The following SSBP2 variants were observed in gnomAD, a reference collection of about 807,000 sequenced individuals.
SSBP2 encodes the protein single-stranded DNA-binding protein 2.
A neutral mutation model predicts 61.8 loss-of-function variants in SSBP2; 17 were observed. The ratio of observed to expected loss-of-function variants is 0.28; its 90% confidence interval spans 0.19 to 0.41. The LOEUF is 0.41. Among genes scored for constraint, SSBP2 ranks in the 10% least tolerant of loss-of-function variants. SSBP2 has a pLI of 1.00. For missense variants in SSBP2, 310 were observed against 458.7 expected, an observed-to-expected ratio of 0.68 and a Z score of 2.96; for synonymous variants, 139 against 141.3, an observed-to-expected ratio of 0.98 and a Z score of 0.12.
At chr5:81,651,832 T>G (rs1371554547) in intron 1 of SSBP2, among the ~76,000 whole-genome samples, 1 of 152,192 alleles carries the variant, frequency 6.6e-6, no homozygotes, top group Non-Finnish European at 1.5e-5. Context: ...CCTCCACTAG[T>G]GACTCTCAAC....
intron 1 of SSBP2, among the ~76,000 whole-genome samples, chr5:81,686,868 AAAAAGAAAAGAAAAG>A (rs1172109276): frequency 0.22 from 12,930 of 59,186 alleles, 957 homozygotes; most frequent in Middle Eastern, 0.34. Context: ...AAAAAAAAAA[AAAAAGAAAAGAAAAG>A]AAAAGAAAAG....
intron 4 of SSBP2, among the ~76,000 whole-genome samples, chr5:81,590,890 C>T (rs943130645): frequency 6.6e-6 from 1 of 152,128 alleles, no homozygotes; most frequent in Non-Finnish European, 1.5e-5. Flanking sequence ...CATTCTAAAC[C>T]AGGACGTCCC....
At chr5:81,667,194 GAAC>G (rs1483188131) in intron 1 of SSBP2, among the ~76,000 whole-genome samples, 2 of 151,950 alleles carry the variant, frequency 1.3e-5, no homozygotes, top group African/African-American at 4.8e-5. Context: ...TCCAAATACA[GAAC>G]AACAGTCTCT....
At chr5:81,500,489 T>G (rs1561473992) in intron 5 of SSBP2, among the ~76,000 whole-genome samples, 1 of 149,828 alleles carries the variant, frequency 6.7e-6, no homozygotes, top group African/African-American at 2.5e-5. Context: ...TGGAACGGAG[T>G]CTCACTCTGT....
intron 1 of SSBP2, among the ~76,000 whole-genome samples, chr5:81,667,955 G>A (rs1337260466): frequency 6.6e-6 from 1 of 152,104 alleles, no homozygotes; most frequent in Non-Finnish European, 1.5e-5. Flanking sequence ...AAATGTCCTA[G>A]AACAGTTACT....
chr5:81,599,028 T>C (rs946681231), intron 4 of SSBP2, among the ~76,000 whole-genome samples: 2 of 152,232 alleles, frequency 1.3e-5, no homozygotes, highest in Non-Finnish European at 2.9e-5. Flanking sequence ...TTACCATCAC[T>C]GCCTTTATAA....
At chr5:81,421,232 C>G (rs1761586643) in intron 16 of SSBP2, among the ~76,000 whole-genome samples, 1 of 152,212 alleles carries the variant, frequency 6.6e-6, no homozygotes, top group Admixed American at 6.5e-5. Flanking sequence ...CACTCTGTCA[C>G]TCAGGCTGGA....
chr5:81,545,061 A>T (rs1771623633), intron 4 of SSBP2, among the ~76,000 whole-genome samples: 1 of 152,230 alleles, frequency 6.6e-6, no homozygotes, highest in Non-Finnish European at 1.5e-5. Context: ...TCTATCCATC[A>T]TCACTCCTCT....
At chr5:81,712,090 G>A (rs953570804) in intron 1 of SSBP2, among the ~76,000 whole-genome samples, 4 of 150,320 alleles carry the variant, frequency 2.7e-5, no homozygotes, top group African/African-American at 9.8e-5. Context: ...TTAACCACTA[G>A]CTCTTCAGTT....
chr5:81,491,345 C>T (rs1052088534), intron 5 of SSBP2, among the ~76,000 whole-genome samples: 1 of 152,072 alleles, frequency 6.6e-6, no homozygotes, highest in African/African-American at 2.4e-5. Flanking sequence ...TTACTAAATA[C>T]CAAATGTTGA....
intron 15 of SSBP2, among the ~76,000 whole-genome samples, chr5:81,432,639 G>A (rs1367693149): frequency 2.0e-5 from 3 of 152,084 alleles, no homozygotes; most frequent in Non-Finnish European, 2.9e-5. Context: ...CCAGCTACTC[G>A]GGAGGCTGAG....
At chr5:81,497,717 T>A (rs1221881332) in intron 5 of SSBP2, among the ~76,000 whole-genome samples, 1 of 152,174 alleles carries the variant, frequency 6.6e-6, no homozygotes, top group Non-Finnish European at 1.5e-5. Context: ...ACTAACAGTA[T>A]ACAAGAGAAC....
In SSBP2 at chr5:81,438,667, T is replaced by C. The variant is rs552583819; in HGVS notation, c.929-1209A>G. Among the ~76,000 whole-genome samples the C allele has an allele frequency of 2.0e-5, 3 of 152,308 alleles. No individual in the cohort carries two copies. The East Asian group carries it at 5.8e-4, about 29-fold the overall frequency. ...AAAGCAATGAGCCAGTTGCCAAGCA[T>C]AGGTAAAAATCTTCTGAAAATTCTA... On this transcript the variant is annotated intron_variant, in intron 14 of 16. Coordinates refer to ENST00000320672, the MANE Select transcript of SSBP2 (RefSeq NM_012446.5).
chr5:81,683,847 C>T (rs1752580898), intron 1 of SSBP2, among the ~76,000 whole-genome samples: 1 of 152,068 alleles, frequency 6.6e-6, no homozygotes, highest in Non-Finnish European at 1.5e-5. Context: ...AGTAAGCATA[C>T]AAAAAGATGC....
chr5:81,653,319 T>A (rs1490172032), intron 1 of SSBP2, among the ~76,000 whole-genome samples: 2 of 152,236 alleles, frequency 1.3e-5, no homozygotes, highest in Non-Finnish European at 2.9e-5. Context: ...AGTGTATATG[T>A]GCCACATTTT....
At chr5:81,594,583 T>C (rs964150903) in intron 4 of SSBP2, among the ~76,000 whole-genome samples, 8 of 152,190 alleles carry the variant, frequency 5.3e-5, no homozygotes, top group South Asian at 4.1e-4. Flanking sequence ...ACTGACCACA[T>C]AGTTGGAAGT....
chr5:81,723,576 A>G (rs1390907856), intron 1 of SSBP2, among the ~76,000 whole-genome samples: 1 of 152,026 alleles, frequency 6.6e-6, no homozygotes, highest in Non-Finnish European at 1.5e-5. Context: ...GTGCAGGCAT[A>G]TCTTTAACTG....
chr5:81,543,065 G>C (rs1771427892), intron 4 of SSBP2, among the ~76,000 whole-genome samples: 1 of 152,082 alleles, frequency 6.6e-6, no homozygotes, highest in South Asian at 2.1e-4. Context: ...ATGGTGGCCA[G>C]GGTGGTCTCG....
chr5:81,449,752 T>C (rs1009919069), intron 10 of SSBP2, among the ~76,000 whole-genome samples: 14 of 152,212 alleles, frequency 9.2e-5, no homozygotes, highest in Non-Finnish European at 7.3e-5. Context: ...AAATATTTAA[T>C]ATTAAGTTAT....
Sources: allele counts gnomAD v4.1 joint callset (sites outside exome capture counted in the v4.1 genomes callset), GRCh38; gene constraint gnomAD v4.1.1; transcripts MANE v1.5; gene names NCBI Gene and HGNC (gene_info 2026-07-23, HGNC 2026-07-21).